Variants in RAB3GAP1 observed in about 807,000 individuals in gnomAD.
The protein encoded by RAB3GAP1 is rab3 GTPase-activating protein catalytic subunit.
A neutral mutation model predicts 130.7 loss-of-function variants in RAB3GAP1; 86 were observed. That is an observed-to-expected ratio of 0.66 (90% CI 0.55 to 0.79). The LOEUF (loss-of-function observed/expected upper bound fraction) is 0.79, where lower values mean the gene tolerates loss of function less well. RAB3GAP1 is among the 30% of genes least tolerant of loss of function. RAB3GAP1 has a pLI of 0.00. For synonymous variants in RAB3GAP1, 367 were observed against 401.7 expected (o/e 0.91, Z 1.03); for missense variants, 1,029 against 1,169.4 (o/e 0.88, Z 1.75).
chr2:135,171,504 G>A (rs1015537204), downstream of RAB3GAP1, among the ~76,000 whole-genome samples: 1 of 152,192 alleles, frequency 6.6e-6, no homozygotes, highest in African/African-American at 2.4e-5. Flanking sequence ...GTGCTCCTAA[G>A]AGGTGCACAT....
chr2:135,096,494 AATAATT>A lies in RAB3GAP1; in HGVS notation c.362+2805_362+2810del, dbSNP rs575286067. ...ACTTAAACAACTAAAAAAGAAATGT[AATAATT>A]ATATCTATTAAATTTAATTTAATCC... is the stretch of plus-strand genomic sequence containing the variant. On this transcript the variant is annotated intron_variant, in intron 5 of 23. Coordinates refer to ENST00000264158, the MANE Select transcript of RAB3GAP1 (RefSeq NM_012233.3). 9.1e-4 allele frequency among the ~76,000 whole-genome samples: 139 copies of A among 152,304 alleles called. 1 individual carries two copies. The highest frequency in any genetic ancestry group is 3.0e-3 in the African/African-American group (124 of 41,564).
intron 22 of RAB3GAP1, among the ~76,000 whole-genome samples, chr2:135,163,871 TTG>T (rs1385851087): frequency 6.6e-6 from 1 of 152,242 alleles, no homozygotes; most frequent in Non-Finnish European, 1.5e-5. Flanking sequence ...TTTAACAAGT[TTG>T]TGTTTGAATT....
chr2:135,169,398 C>A lies in RAB3GAP1; in HGVS notation c.*617C>A. The A allele has an allele frequency of 1.1e-5, 2 of 178,726 alleles. No individual in the cohort carries two copies. Among genetic ancestry groups the A allele is most frequent in the South Asian group, 2.5e-4 (2 of 8,148 alleles). 11.1% of individuals were successfully genotyped at this position (178,726 alleles called of 1,614,324 possible). On this transcript the variant is annotated 3_prime_UTR_variant, in exon 24 of 24. Coordinates refer to ENST00000264158, the MANE Select transcript of RAB3GAP1 (RefSeq NM_012233.3). ...GTTTCTCTTTTTCATGTAACTGTAACCTAAATGTATTACTTCTGATAAAAC... is the reference window on the plus strand; with the variant it reads ...GTTTCTCTTTTTCATGTAACTGTAAACTAAATGTATTACTTCTGATAAAAC...
chr2:135,076,206 C>T (rs988532647), intron 3 of RAB3GAP1, among the ~76,000 whole-genome samples: 7 of 152,106 alleles, frequency 4.6e-5, no homozygotes, highest in Non-Finnish European at 1.0e-4. Flanking sequence ...CCGTGCCCGG[C>T]CTTCTGTAAC....
chr2:135,106,214 G>C (rs907445253), intron 5 of RAB3GAP1, among the ~76,000 whole-genome samples: 33 of 152,326 alleles, frequency 2.2e-4, no homozygotes, highest in African/African-American at 7.2e-4. Flanking sequence ...CTTCTGGGAA[G>C]TGAGGAGCCC....
intron 7 of RAB3GAP1, among the ~76,000 whole-genome samples, chr2:135,117,522 G>GCTTCTTCTTCTGCTTCTT (rs34125264): frequency 1.3e-4 from 4 of 30,048 alleles, no homozygotes; most frequent in African/African-American, 3.1e-4. Flanking sequence ...TGCTTCTTCT[G>GCTTCTTCTTCTGCTTCTT]CTTCTTCTGC....
Position 135,130,539 on chromosome 2 carries a change from G to C in RAB3GAP1, c.1067-13G>C, listed in dbSNP as rs1356892075. On this transcript the variant is annotated splice_polypyrimidine_tract_variant and intron_variant, in intron 12 of 23. Transcript: ENST00000264158. ...GGTGATATAATTTATATTTATTTCTGTTCTTTTTATAGAAACTGCTGATAT... is the reference window on the plus strand; with the variant it reads ...GGTGATATAATTTATATTTATTTCTCTTCTTTTTATAGAAACTGCTGATAT... The C allele has an allele frequency of 6.2e-7, 1 of 1,605,852 alleles. No individual in the cohort carries two copies. The highest frequency in any genetic ancestry group is 2.2e-5 in the East Asian group (1 of 44,810).
chr2:135,063,782 G>A (rs573409532), intron 3 of RAB3GAP1, among the ~76,000 whole-genome samples: 5 of 152,242 alleles, frequency 3.3e-5, no homozygotes, highest in Admixed American at 6.5e-5. Flanking sequence ...TGCTATGAAC[G>A]TGAATGTACA....
chr2:135,164,071 A>G (rs1299567265), intron 22 of RAB3GAP1, among the ~76,000 whole-genome samples: 1 of 152,252 alleles, frequency 6.6e-6, no homozygotes, highest in Non-Finnish European at 1.5e-5. Flanking sequence ...ACCATACGTT[A>G]TCTGTGACAT....
chr2:135,098,082 A>G (rs1164748432), intron 5 of RAB3GAP1, among the ~76,000 whole-genome samples: 1 of 152,184 alleles, frequency 6.6e-6, no homozygotes, highest in Non-Finnish European at 1.5e-5. Context: ...GTAGGTGCAT[A>G]GTGGTATCCT....
In RAB3GAP1 at chr2:135,103,035, A is replaced by ATT. The variant is rs539310402; in HGVS notation, c.362+9361_362+9362dup. The stretch of plus-strand genomic sequence containing the variant: ...AAAAAAAAAAAAAATCATTTTTGTG[A>ATT]TTTTTTTTTTTTTTTTTTTTGAGAC... On this transcript the variant is annotated intron_variant, in intron 5 of 23. Coordinates refer to ENST00000264158, the MANE Select transcript of RAB3GAP1 (RefSeq NM_012233.3). 5.4e-4 allele frequency among the ~76,000 whole-genome samples: 49 copies of ATT among 90,876 alleles called. 2 individuals are homozygous for ATT. The highest frequency in any genetic ancestry group is 6.0e-4 in the African/African-American group (11 of 18,184). 59.6% of individuals were successfully genotyped at this position (90,876 alleles called of 152,430 possible). A position where few individuals can be genotyped will look rare whatever the true frequency, so the allele number is the denominator to read the frequency against.
rs142997493 is a variant in RAB3GAP1 at position 135,053,059 on chromosome 2, A to G, written c.74+574A>G. 4.9e-4 allele frequency among the ~76,000 whole-genome samples: 75 copies of G among 152,294 alleles called. 1 individual carries two copies. The East Asian group carries it at 0.011, about 22-fold the overall frequency. The stretch of plus-strand genomic sequence containing the variant: ...CAGGCCGGAGTGCAGTGGCGAGGTC[A>G]TAGCTTACTGCGGCCTCGAACTCCT... On this transcript the variant is annotated intron_variant, in intron 2 of 23. Transcript: ENST00000264158.
At chr2:135,120,718 G>A in intron 7 of RAB3GAP1, 101 bp from the exon 8 acceptor site, 1 of 850,304 alleles carries the variant, frequency 1.2e-6, no homozygotes, top group Non-Finnish European at 2.1e-6. Flanking sequence ...GTTTCATAAA[G>A]GTAGTATTAA....
chr2:135,111,673 C>T (rs1690804834), intron 5 of RAB3GAP1, among the ~76,000 whole-genome samples: 1 of 152,192 alleles, frequency 6.6e-6, no homozygotes, highest in Non-Finnish European at 1.5e-5. Flanking sequence ...TTCATTAAAG[C>T]AAAGTTTCAA....
downstream of RAB3GAP1, among the ~76,000 whole-genome samples, chr2:135,173,813 C>T (rs557161308): frequency 2.6e-5 from 4 of 152,134 alleles, no homozygotes; most frequent in African/African-American, 9.7e-5. Flanking sequence ...CAGCTCCTCT[C>T]TTCTGGGCAC....
intron 5 of RAB3GAP1, among the ~76,000 whole-genome samples, chr2:135,109,573 AT>A (rs1295081700): frequency 1.2e-3 from 181 of 145,546 alleles, no homozygotes; most frequent in South Asian, 2.4e-3. Flanking sequence ...TCCAAAAAAA[AT>A]TTTTTTTTTT....
chr2:135,156,544 TA>T (rs1692318392), intron 19 of RAB3GAP1, among the ~76,000 whole-genome samples: 1 of 152,240 alleles, frequency 6.6e-6, no homozygotes, highest in Admixed American at 6.5e-5. Context: ...TAGATTTAAG[TA>T]GAAAATTGTA....
At chr2:135,129,635 G>A (rs190692793) in intron 11 of RAB3GAP1, among the ~76,000 whole-genome samples, 342 of 152,110 alleles carry the variant, frequency 2.2e-3, no homozygotes, top group African/African-American at 6.0e-3. Context: ...AGCAGTTGGG[G>A]AAAGATTACT....
chr2:135,071,475 G>A (rs1689470154), intron 3 of RAB3GAP1, among the ~76,000 whole-genome samples: 1 of 151,612 alleles, frequency 6.6e-6, no homozygotes, highest in African/African-American at 2.4e-5. Flanking sequence ...TTGTGGGTAC[G>A]ACTGGCTGGG....
Sources: allele counts gnomAD v4.1 joint callset (sites outside exome capture counted in the v4.1 genomes callset), GRCh38; gene constraint gnomAD v4.1.1; transcripts MANE v1.5; gene names NCBI Gene and HGNC (gene_info 2026-07-23, HGNC 2026-07-21).